Variants in BDP1 observed in about 807,000 individuals in gnomAD.
BDP1 encodes BDP1 general transcription factor IIIB subunit, also known as transcription factor TFIIIB component B'' homolog.
BDP1 carries 169 observed loss-of-function variants against 266.6 expected under a neutral mutation model. The observed-to-expected ratio is 0.63, with a 90% CI of 0.56 to 0.72. The LOEUF is 0.72. Among genes scored for constraint, BDP1 ranks in the 30% least tolerant of loss-of-function variants. BDP1 has a pLI of 0.00. For missense variants in BDP1, 3,015 were observed against 3,053.8 expected, an observed-to-expected ratio of 0.99 and a Z score of 0.30; for synonymous variants, 1,090 against 1,022.4, an observed-to-expected ratio of 1.07 and a Z score of -1.26.
rs546481309 is a variant in BDP1 at position 71,509,443 on chromosome 5, G to T, written c.2373-22G>T. 1.3e-4 allele frequency: 184 copies of T among 1,468,464 alleles called. No homozygotes were observed. The East Asian group carries it at 3.6e-3, about 29-fold the overall frequency. 91.0% of individuals were successfully genotyped at this position (1,468,464 alleles called of 1,614,324 possible). ...GCAGTCTGGTTTAAAACTTGATTGT[G>T]TGCCCCCTTTTTTTTTTATAGCGTT... On this transcript the variant is annotated intron_variant, in intron 16 of 38. Transcript: ENST00000358731.
intron 8 of BDP1, 107 bp from the exon 9 acceptor site, chr5:71,486,374 TCTC>T (rs1763261392): frequency 2.3e-6 from 2 of 873,904 alleles, no homozygotes; most frequent in Admixed American, 3.3e-5. Context: ...GTTTTTCTGT[TCTC>T]CTACTGATAA....
At chr5:71,570,993 AACAAT>A (rs909063134), downstream of BDP1, among the ~76,000 whole-genome samples, 5 of 152,274 alleles carry the variant, frequency 3.3e-5, no homozygotes, top group African/African-American at 1.2e-4. Flanking sequence ...ACATAAAAAT[AACAAT>A]ACAACTATAA....
At chr5:71,571,065 A>G (rs551327236), downstream of BDP1, among the ~76,000 whole-genome samples, 6 of 152,364 alleles carry the variant, frequency 3.9e-5, no homozygotes, top group South Asian at 1.2e-3. Flanking sequence ...TTCATATTGT[A>G]TTAAGTATTA....
chr5:71,510,485 A>G lies in BDP1; in HGVS notation c.3393A>G (p.Thr1131=). 1 of 1,613,838 alleles carries G rather than the reference A, an allele frequency of 6.2e-7. No homozygotes were observed. The highest frequency in any genetic ancestry group is 8.5e-7 in the Non-Finnish European group (1 of 1,179,936). ...TGREISPREK[T]PEVIDATEEI... ...GGGAGATTTCCCCAAGGGAGAAGAC[A>G]CCAGAGGTGATTGATGCCACTGAGG... Residue 1131 remains threonine (T), a synonymous_variant, in exon 17 of 39, where the codon ACA becomes ACG. Transcript: ENST00000358731.
In BDP1 at chr5:71,464,114, G is replaced by A; in HGVS notation, c.656G>A (p.Arg219Lys). The change falls in exon 4 of 39, where the codon AGA becomes AAA. Residue 219 changes from arginine (R) to lysine (K), a missense_variant. This residue lies in a region of BDP1 where 2,383 missense variants were observed against 2,404.9 expected (regional missense o/e 0.99). Coordinates refer to ENST00000358731, the MANE Select transcript of BDP1 (RefSeq NM_018429.3). ...AAGCCATCGACTCCAGTCCAGACAAGAGAGTAAGTATTTTATTTTTGAATA... is the reference window on the plus strand; with the variant it reads ...AAGCCATCGACTCCAGTCCAGACAAAAGAGTAAGTATTTTATTTTTGAATA... ...TEKPSTPVQTREQEGKSTPNA... is the reference protein window; with the variant it reads ...TEKPSTPVQTKEQEGKSTPNA... 1 of 1,561,504 alleles carries A rather than the reference G, an allele frequency of 6.4e-7. No homozygotes were observed.
At chr5:71,562,848 G>A (rs981589719) in intron 38 of BDP1, 162 of 1,301,544 alleles carry the variant, frequency 1.2e-4, no homozygotes, top group Admixed American at 2.1e-4. Context: ...TGTAAAACTA[G>A]AATTTGTTCA....
In BDP1 at chr5:71,464,071, CAAGAA is replaced by C; in HGVS notation, c.621_625del (p.Lys207AsnfsTer2). 5 of 1,548,230 alleles carry C rather than the reference CAAGAA, an allele frequency of 3.2e-6. No individual in the cohort carries two copies. Among genetic ancestry groups the C allele is most frequent in the Non-Finnish European group, 4.4e-6 (5 of 1,138,244 alleles). On this transcript the variant is annotated frameshift_variant, in exon 4 of 39. Transcript: ENST00000358731. LOFTEE classifies it high-confidence loss of function. ...TATGTTCAATAGTTCTTCACTGGAACAAGAAAAGAAAACTGAAAAGCCATCGACTC... is the reference window on the plus strand; with the variant it reads ...TATGTTCAATAGTTCTTCACTGGAACAAGAAAACTGAAAAGCCATCGACTC...
At chr5:71,526,076 G>A (rs1228696045) in intron 25 of BDP1, among the ~76,000 whole-genome samples, 1 of 152,192 alleles carries the variant, frequency 6.6e-6, no homozygotes, top group South Asian at 2.1e-4. Flanking sequence ...ACTTTGGGGG[G>A]CCAAGGCAGG....
chr5:71,532,096 T>G (rs1453962443), intron 25 of BDP1, among the ~76,000 whole-genome samples: 1 of 152,212 alleles, frequency 6.6e-6, no homozygotes, highest in East Asian at 1.9e-4. Context: ...GTTTTAATAG[T>G]CACAGCCACC....
rs559747475 is a variant in BDP1, at chr5:71,501,585, G to A, written c.1980G>A (p.Met660Ile). ...AGAACCACGTGGAAAAAGATAAAAT[G>A]AATACATTGGACATTTTGAGAATGG... ...VEKNHVEKDKMNTLDILRMET... is the reference protein window; with the variant it reads ...VEKNHVEKDKINTLDILRMET... The change falls in exon 14 of 39, where the codon ATG (methionine) becomes ATA (isoleucine). Residue 660 changes from methionine to isoleucine, a missense_variant. Met to Ile is a conservative substitution (Grantham distance 10). Coordinates refer to ENST00000358731, the MANE Select transcript of BDP1 (RefSeq NM_018429.3). The A allele has an allele frequency of 1.9e-6, 3 of 1,597,952 alleles. No homozygotes were observed. The highest frequency in any genetic ancestry group is 2.2e-5 in the South Asian group (2 of 90,500).
rs982353167 is a variant in BDP1, at chr5:71,566,478, A to G, written c.*1593A>G. 2.0e-5 allele frequency: 3 copies of G among 152,190 alleles called. No homozygotes were observed. The highest frequency in any genetic ancestry group is 2.0e-4 in the Admixed American group (3 of 15,274). The allele number at this position is 152,190 out of a possible 1,614,324, so 9.4% of individuals were successfully genotyped here. On this transcript the variant is annotated 3_prime_UTR_variant, in exon 39 of 39. Coordinates refer to ENST00000358731, the MANE Select transcript of BDP1 (RefSeq NM_018429.3). ...CCCAAGCAGATCTGTAGTGGTTCCAATTAGACTTCTCAAACAGCAAATTTA... is the reference window on the plus strand; with the variant it reads ...CCCAAGCAGATCTGTAGTGGTTCCAGTTAGACTTCTCAAACAGCAAATTTA...
intron 35 of BDP1, among the ~76,000 whole-genome samples, chr5:71,555,702 G>C (rs1284504320): frequency 6.6e-6 from 1 of 152,104 alleles, no homozygotes; most frequent in Non-Finnish European, 1.5e-5. Flanking sequence ...GCCTTGCAAA[G>C]TGATGGGATA....
chr5:71,487,664 G>A (rs1297986378), intron 9 of BDP1, among the ~76,000 whole-genome samples: 1 of 152,204 alleles, frequency 6.6e-6, no homozygotes, highest in Non-Finnish European at 1.5e-5. Flanking sequence ...GAGAGCCTGT[G>A]TTGGGGGTCC....
At chr5:71,456,110 G>A (rs145970733) in intron 1 of BDP1, 21 bp downstream of exon 1, 139 of 1,597,386 alleles carry the variant, frequency 8.7e-5, no homozygotes, top group Non-Finnish European at 1.2e-4. Context: ...GCAGAGGGAA[G>A]AATTTTCATT....
chr5:71,571,432 G>T (rs1275594573), downstream of BDP1, among the ~76,000 whole-genome samples: 5 of 152,158 alleles, frequency 3.3e-5, no homozygotes, highest in Admixed American at 2.0e-4. Flanking sequence ...ACAGGCCTGT[G>T]CCACCGCACC....
chr5:71,515,253 C>A, intron 20 of BDP1, 131 bp downstream of exon 20: 1 of 696,314 alleles, frequency 1.4e-6, no homozygotes, highest in Non-Finnish European at 2.3e-6. Flanking sequence ...TTTATTGATA[C>A]AGCAGACTGC....
chr5:71,567,734 A>G lies in BDP1; in HGVS notation c.*2849A>G, dbSNP rs912924171. ...GAAGAAGTCTTTGACAGAAAAAGCAATATCATGTCATTTATAAATTTTCTT... is the reference window on the plus strand; with the variant it reads ...GAAGAAGTCTTTGACAGAAAAAGCAGTATCATGTCATTTATAAATTTTCTT... On this transcript the variant is annotated 3_prime_UTR_variant, in exon 39 of 39. Coordinates refer to ENST00000358731, the MANE Select transcript of BDP1 (RefSeq NM_018429.3). The G allele has an allele frequency of 3.3e-5, 5 of 152,592 alleles. No individual in the cohort carries two copies. Among genetic ancestry groups the G allele is most frequent in the African/African-American group, 4.8e-5 (2 of 41,454 alleles). 9.5% of individuals were successfully genotyped at this position (152,592 alleles called of 1,614,324 possible).
intron 10 of BDP1, among the ~76,000 whole-genome samples, chr5:71,490,301 A>G (rs937926033): frequency 2.0e-5 from 3 of 152,158 alleles, no homozygotes; most frequent in African/African-American, 7.2e-5. Context: ...AGATTTACCC[A>G]TCTGATTTTA....
At chr5:71,460,518 T>C (rs1209514830) in intron 2 of BDP1, among the ~76,000 whole-genome samples, 1 of 152,256 alleles carries the variant, frequency 6.6e-6, no homozygotes, top group East Asian at 1.9e-4. Context: ...GTGCTTTATA[T>C]CTGTTATCTT....
Sources: allele counts gnomAD v4.1 joint callset (sites outside exome capture counted in the v4.1 genomes callset), GRCh38; gene constraint gnomAD v4.1.1; regional missense constraint gnomAD v4.1.1; transcripts MANE v1.5; gene names NCBI Gene and HGNC (gene_info 2026-07-23, HGNC 2026-07-21).